Variants in NCAM1 observed in about 807,000 individuals in gnomAD.
The protein encoded by NCAM1 is antigen recognized by monoclonal antibody 5.1H11.
A neutral mutation model predicts 109.8 loss-of-function variants in NCAM1; 14 were observed. The observed-to-expected ratio is 0.13, with a 90% CI of 0.08 to 0.20. The LOEUF (loss-of-function observed/expected upper bound fraction) is 0.20. NCAM1 is among the 10% of genes least tolerant of loss of function. NCAM1 has a pLI of 1.00. For missense variants in NCAM1, 774 were observed against 1,109.9 expected, an observed-to-expected ratio of 0.70 and a Z score of 4.30; for synonymous variants, 418 against 442.9, an observed-to-expected ratio of 0.94 and a Z score of 0.70.
rs539667702 is a variant in NCAM1 at position 113,208,599 on chromosome 11, C to T, written c.916+597C>T. On this transcript the variant is annotated intron_variant, in intron 7 of 19. Transcript: ENST00000316851. ...TAACTCAAACTCACCTTCTCAGCGG[C>T]GCCTTCCTTCACTGCCCTGGCTAAT... Among the ~76,000 whole-genome samples, 9 of 152,108 alleles carry T rather than the reference C, an allele frequency of 5.9e-5. No individual in the cohort carries two copies. In the South Asian group the frequency reaches 8.3e-4, roughly 14 times the overall value.
intron 1 of NCAM1, among the ~76,000 whole-genome samples, chr11:113,140,721 TTTGA>T (rs1239916249): frequency 1.3e-5 from 2 of 152,326 alleles, no homozygotes; most frequent in African/African-American, 2.4e-5. Flanking sequence ...TCCAAATGGT[TTTGA>T]TTGATTACTT....
In NCAM1 at chr11:113,258,091, C is replaced by A. The variant is rs576266535; in HGVS notation, c.1954-2055C>A. On this transcript the variant is annotated intron_variant, in intron 16 of 19. Transcript: ENST00000316851. ...CCATGGGCCTACAACAGTTACTAGACCACTGTCCAGGTGACAGTGCTATTG... is the reference window on the plus strand; with the variant it reads ...CCATGGGCCTACAACAGTTACTAGAACACTGTCCAGGTGACAGTGCTATTG... 2.9e-3 allele frequency among the ~76,000 whole-genome samples: 442 copies of A among 152,340 alleles called. 3 individuals are homozygous for A. The highest frequency in any genetic ancestry group is 4.7e-3 in the Non-Finnish European group (322 of 68,028).
In NCAM1 at chr11:113,095,315, C is replaced by CGTGTGTGTGT. The variant is rs147958488; in HGVS notation, c.53-107057_53-107048dup. On this transcript the variant is annotated intron_variant, in intron 1 of 19. Coordinates refer to ENST00000316851, the MANE Select transcript of NCAM1 (RefSeq NM_181351.5). Reference sequence around the variant, plus strand: ...GCACTGACCTTGCTGTAATAGAATGCGTGTGTGTGTGTGTGTATATGTATG... The same window carrying CGTGTGTGTGT: ...GCACTGACCTTGCTGTAATAGAATGCGTGTGTGTGTGTGTGTGTGTGTGTGTATATGTATG... 3.5e-4 allele frequency among the ~76,000 whole-genome samples: 53 copies of CGTGTGTGTGT among 151,262 alleles called. No individual in the cohort carries two copies. The South Asian group carries it at 8.6e-3, about 25-fold the overall frequency.
intron 1 of NCAM1, among the ~76,000 whole-genome samples, chr11:113,045,878 T>G: frequency 6.6e-6 from 1 of 152,050 alleles, no homozygotes; most frequent in East Asian, 1.9e-4. Flanking sequence ...TTTCTAACTG[T>G]GTTACATTAT....
At chr11:113,081,783 C>T (rs1938832062) in intron 1 of NCAM1, among the ~76,000 whole-genome samples, 1 of 152,192 alleles carries the variant, frequency 6.6e-6, no homozygotes, top group African/African-American at 2.4e-5. Flanking sequence ...ATCCACCCAC[C>T]TCAGCCTCCC....
rs939780153 is a variant in NCAM1, at chr11:113,233,685, C to T, written c.1693+368C>T. On this transcript the variant is annotated intron_variant, in intron 13 of 19. Coordinates refer to ENST00000316851, the MANE Select transcript of NCAM1 (RefSeq NM_181351.5). This position sits in a 1 kb window ranked among gnomAD's most constrained non-coding sequence, Gnocchi z 4.5. ...GTTACCTGTGCTGCAGGTTCTCTGC[C>T]GACACCCGGCCAGTCCTGCTTGGAT... Among the ~76,000 whole-genome samples, 12 of 152,184 alleles carry T rather than the reference C, an allele frequency of 7.9e-5. No homozygotes were observed. The highest frequency in any genetic ancestry group is 2.9e-4 in the African/African-American group (12 of 41,442).
intron 1 of NCAM1, among the ~76,000 whole-genome samples, chr11:113,040,487 CAT>C (rs1953036746): frequency 1.3e-5 from 2 of 152,166 alleles, no homozygotes; most frequent in Non-Finnish European, 2.9e-5. Flanking sequence ...GCTCTGCTGT[CAT>C]AGCACAAAAG....
At chr11:112,977,036 A>G (rs1951026700) in intron 1 of NCAM1, among the ~76,000 whole-genome samples, 1 of 151,790 alleles carries the variant, frequency 6.6e-6, no homozygotes, top group Non-Finnish European at 1.5e-5. Flanking sequence ...CCAAAACCAA[A>G]AATGATGAGA....
At chr11:113,243,002 GC>G (rs2137398679) in intron 14 of NCAM1, 1 of 984,516 alleles carries the variant, frequency 1.0e-6, no homozygotes, top group South Asian at 4.7e-5. Context: ...TCCTAAGCAT[GC>G]CGTCTGCTTG....
At chr11:113,134,189 A>C (rs113591168) in intron 1 of NCAM1, among the ~76,000 whole-genome samples, 92 of 152,292 alleles carry the variant, frequency 6.0e-4, no homozygotes, top group Middle Eastern at 3.4e-3. Flanking sequence ...TCTGTTTGTA[A>C]GAATTAAACT....
At chr11:113,088,383 A>T (rs1180263202) in intron 1 of NCAM1, among the ~76,000 whole-genome samples, 2 of 152,238 alleles carry the variant, frequency 1.3e-5, no homozygotes, top group South Asian at 2.1e-4. Flanking sequence ...TCCAATGGCC[A>T]TTCTGTTGTA....
intron 1 of NCAM1, among the ~76,000 whole-genome samples, chr11:112,979,266 A>T (rs1951088349): frequency 6.6e-6 from 1 of 151,752 alleles, no homozygotes; most frequent in Non-Finnish European, 1.5e-5. Context: ...AATTTTTACC[A>T]TTCAAAAGTC....
chr11:113,089,504 C>T (rs536672101), intron 1 of NCAM1, among the ~76,000 whole-genome samples: 1 of 152,094 alleles, frequency 6.6e-6, no homozygotes, highest in Admixed American at 6.5e-5. Flanking sequence ...TTATGTTGCC[C>T]AAGCTGGATT....
intron 1 of NCAM1, among the ~76,000 whole-genome samples, chr11:112,990,367 A>G (rs1403520296): frequency 2.6e-5 from 4 of 152,148 alleles, no homozygotes; most frequent in Non-Finnish European, 5.9e-5. Flanking sequence ...GACTAAGCTC[A>G]GCAGTGCTAC....
At chr11:113,020,795 G>A (rs566907189) in intron 1 of NCAM1, among the ~76,000 whole-genome samples, 3 of 152,072 alleles carry the variant, frequency 2.0e-5, no homozygotes, top group Non-Finnish European at 2.9e-5. Flanking sequence ...TCACCTTGTC[G>A]CCCAGGCTGG....
intron 1 of NCAM1, among the ~76,000 whole-genome samples, chr11:113,092,415 A>G (rs1939390659): frequency 6.6e-6 from 1 of 152,100 alleles, no homozygotes; most frequent in African/African-American, 2.4e-5. Flanking sequence ...CGGTAATTGA[A>G]TCATTGCAAC....
chr11:113,258,697 A>G (rs541283388), intron 16 of NCAM1, among the ~76,000 whole-genome samples: 1 of 152,384 alleles, frequency 6.6e-6, no homozygotes, highest in East Asian at 1.9e-4. Context: ...GGATATTTCA[A>G]TTATACTGAC....
chr11:113,229,753 A>T (rs1944947283), intron 9 of NCAM1, among the ~76,000 whole-genome samples: 1 of 152,252 alleles, frequency 6.6e-6, no homozygotes, highest in South Asian at 2.1e-4. Context: ...CTATGCAGCC[A>T]TATAAAAGGA....
intron 1 of NCAM1, among the ~76,000 whole-genome samples, chr11:113,144,702 T>C (rs1030646337): frequency 5.3e-5 from 8 of 152,228 alleles, no homozygotes; most frequent in Admixed American, 1.3e-4. Flanking sequence ...ATGTCCTGTA[T>C]AGCCTTTAAC....
Sources: allele counts gnomAD v4.1 joint callset (sites outside exome capture counted in the v4.1 genomes callset), GRCh38; gene constraint gnomAD v4.1.1; non-coding constraint Gnocchi (gnomAD v3.1); transcripts MANE v1.5; gene names NCBI Gene and HGNC (gene_info 2026-07-23, HGNC 2026-07-21).